Variants in TANGO2 observed in about 807,000 individuals in gnomAD.
TANGO2 encodes the protein transport and Golgi organization protein 2 homolog.
In TANGO2, 26 loss-of-function variants were observed where a neutral mutation model predicts 39.1. That is an observed-to-expected ratio of 0.67 (90% CI 0.49 to 0.92). TANGO2 has a LOEUF of 0.92. Ranked by LOEUF, TANGO2 falls within the 40% of genes least tolerant of loss-of-function variation. The pLI, the probability that TANGO2 is intolerant of heterozygous loss-of-function variation, is 0.00. For missense variants in TANGO2, 326 were observed against 360.1 expected (o/e 0.91, Z 0.77); for synonymous variants, 131 against 144.5 (o/e 0.91, Z 0.67).
chr22:20,022,029 C>T (rs909203833), intron 1 of TANGO2, among the ~76,000 whole-genome samples: 1 of 152,230 alleles, frequency 6.6e-6, no homozygotes, highest in Non-Finnish European at 1.5e-5. Context: ...TGTTTTGCTG[C>T]CACTCTGGGC....
chr22:20,039,034 C>G (rs559164792), intron 2 of TANGO2, among the ~76,000 whole-genome samples: 1 of 151,610 alleles, frequency 6.6e-6, no homozygotes, highest in African/African-American at 2.4e-5. Flanking sequence ...TCAAACTCGC[C>G]GGCTCAAGCG....
At position 20,046,527 on chromosome 22, in the gene TANGO2, C is replaced by T. The variant is rs562665965; in HGVS notation, c.145+3084C>T. 3.5e-5 allele frequency among the ~76,000 whole-genome samples: 5 copies of T among 144,640 alleles called. No homozygotes were observed. The East Asian group carries it at 8.1e-4, about 24-fold the overall frequency. 94.9% of individuals were successfully genotyped at this position (144,640 alleles called of 152,430 possible). ...TCGCTTAGGCTGGAGTGCAATGGTG[C>T]GACCTTGGCTCACTGCAACCTCCAC... is the stretch of plus-strand genomic sequence containing the variant. On this transcript the variant is annotated intron_variant, in intron 3 of 8. Coordinates refer to ENST00000327374, the MANE Select transcript of TANGO2 (RefSeq NM_152906.7).
rs1206311435 is a variant in TANGO2 at position 20,024,176 on chromosome 22, C to A, written c.-40+2930C>A. 2.6e-5 allele frequency among the ~76,000 whole-genome samples: 4 copies of A among 152,264 alleles called. No individual in the cohort carries two copies. In the South Asian group the frequency reaches 6.2e-4, roughly 24 times the overall value. On this transcript the variant is annotated intron_variant, in intron 1 of 8. Transcript: ENST00000327374. ...GCTGCCCCCAGCCCACCCAACAGGA[C>A]CATTGCACTCCAGCCTGGGCGACAA...
chr22:20,036,581 A>G (rs984067478), intron 1 of TANGO2, among the ~76,000 whole-genome samples, 179 bp from the exon 2 acceptor site: 2 of 152,116 alleles, frequency 1.3e-5, no homozygotes, highest in Non-Finnish European at 2.9e-5. Context: ...CAATGAGTGC[A>G]TGGGTTTGGG....
At chr22:20,056,818 C>T (rs2047451238) in intron 6 of TANGO2, 1 of 456,566 alleles carries the variant, frequency 2.2e-6, no homozygotes, top group South Asian at 1.5e-5. Context: ...GGCTCACTCA[C>T]TCCCACACTC....
At chr22:20,027,491 A>G (rs2040992933) in intron 1 of TANGO2, among the ~76,000 whole-genome samples, 1 of 152,206 alleles carries the variant, frequency 6.6e-6, no homozygotes, top group Non-Finnish European at 1.5e-5. Flanking sequence ...AATCAGGGAG[A>G]ACGGAGCAAT....
chr22:20,045,383 G>A (rs1277217009), intron 3 of TANGO2, among the ~76,000 whole-genome samples: 2 of 151,916 alleles, frequency 1.3e-5, no homozygotes, highest in East Asian at 3.9e-4. Flanking sequence ...AAGCTGCAGT[G>A]AACCGAGACT....
chr22:20,048,781 G>A (rs2045746222), intron 3 of TANGO2, among the ~76,000 whole-genome samples: 1 of 152,084 alleles, frequency 6.6e-6, no homozygotes, highest in African/African-American at 2.4e-5. Context: ...TGAGTAGCTG[G>A]GACTACAAGC....
rs575825450 is a variant in TANGO2, at chr22:20,046,800, C to G, written c.145+3357C>G. ...TCTCCTAACGCTATCCTTCCCCCAG[C>G]CCAATTTTTGTATTTTTAGTAGAGA... is the stretch of plus-strand genomic sequence containing the variant. On this transcript the variant is annotated intron_variant, in intron 3 of 8. Coordinates refer to ENST00000327374, the MANE Select transcript of TANGO2 (RefSeq NM_152906.7). Among the ~76,000 whole-genome samples, 6 of 152,208 alleles carry G rather than the reference C, an allele frequency of 3.9e-5. No homozygotes were observed. In the Middle Eastern group the frequency reaches 0.01, roughly 259 times the overall value.
At position 20,064,519 on chromosome 22, in the gene TANGO2, C is replaced by T. The variant is rs767516763; in HGVS notation, c.711-23C>T. On this transcript the variant is annotated intron_variant, in intron 8 of 8. Transcript: ENST00000327374. ...GCAGGGCTGAGGGACACCAGGTGAACGAGGGCCCCTGCTCTCTTTCAGAAC... is the reference window on the plus strand; with the variant it reads ...GCAGGGCTGAGGGACACCAGGTGAATGAGGGCCCCTGCTCTCTTTCAGAAC... The T allele has an allele frequency of 6.2e-6, 10 of 1,613,442 alleles. No individual in the cohort carries two copies. The Admixed American group carries it at 6.7e-5, about 11-fold the overall frequency.
chr22:20,024,807 G>A (rs888489076), intron 1 of TANGO2, among the ~76,000 whole-genome samples: 2 of 152,162 alleles, frequency 1.3e-5, no homozygotes, highest in Admixed American at 6.5e-5. Flanking sequence ...GCTTGCCAAA[G>A]GGAAGTGGTT....
intron 1 of TANGO2, among the ~76,000 whole-genome samples, chr22:20,031,013 C>G (rs1168052996): frequency 6.6e-6 from 1 of 151,964 alleles, no homozygotes; most frequent in Admixed American, 6.6e-5. Flanking sequence ...TCCTGGCCAA[C>G]ATGGTGAAAC....
At position 20,061,659 on chromosome 22, in the gene TANGO2, T is replaced by C; in HGVS notation, c.581T>C (p.Leu194Pro). 6.4e-7 allele frequency: 1 copy of C among 1,555,570 alleles called. No homozygotes were observed. Among genetic ancestry groups the C allele is most frequent in the Non-Finnish European group, 8.7e-7 (1 of 1,149,308 alleles). ...AAGGATGTGCTCATCGCCAGCCTCC[T>C]GGATGTGCTCAACAATGAAGAGGCG... ...LPKDVLIASL[L>P]DVLNNEEAQL... Residue 194 changes from leucine (L) to proline (P), a missense_variant, in exon 7 of 9, where the codon CTG becomes CCG. Transcript: ENST00000327374.
At chr22:20,025,813 C>T (rs1048277016) in intron 1 of TANGO2, among the ~76,000 whole-genome samples, 14 of 152,118 alleles carry the variant, frequency 9.2e-5, no homozygotes, top group African/African-American at 2.2e-4. Flanking sequence ...TGGGGCATGG[C>T]GTGATCTAGG....
intron 1 of TANGO2, chr22:20,033,259 G>T: frequency 1.9e-6 from 1 of 524,290 alleles, no homozygotes. Flanking sequence ...CCTTGGCTCT[G>T]CGCCCACACC....
At chr22:20,034,228 T>C (rs966086444) in intron 1 of TANGO2, among the ~76,000 whole-genome samples, 1 of 152,200 alleles carries the variant, frequency 6.6e-6, no homozygotes, top group African/African-American at 2.4e-5. Flanking sequence ...GAGTTCCTTT[T>C]GCTGCTTTGT....
chr22:20,033,139 A>C lies in TANGO2; in HGVS notation c.-39-3621A>C, dbSNP rs886477653. The C allele has an allele frequency of 8.1e-6, 4 of 495,454 alleles. No individual in the cohort carries two copies. In the Middle Eastern group the frequency reaches 1.0e-3, roughly 124 times the overall value. 30.7% of individuals were successfully genotyped at this position (495,454 alleles called of 1,614,324 possible). A position where few individuals can be genotyped will look rare whatever the true frequency, so the allele number is the denominator to read the frequency against. ...GGTGGGCAGTGGGCCTGGCTCGAGC[A>C]GGGGGCGAGGGATTGGAGAGAAAGG... On this transcript the variant is annotated intron_variant, in intron 1 of 8. Coordinates refer to ENST00000327374, the MANE Select transcript of TANGO2 (RefSeq NM_152906.7).
At chr22:20,041,409 T>C (rs1326401959) in intron 2 of TANGO2, among the ~76,000 whole-genome samples, 2 of 145,604 alleles carry the variant, frequency 1.4e-5, no homozygotes, top group African/African-American at 2.6e-5. Context: ...GCCTCCCGGG[T>C]TCACACCATT....
At chr22:20,026,385 G>A (rs1167364342) in intron 1 of TANGO2, among the ~76,000 whole-genome samples, 1 of 124,846 alleles carries the variant, frequency 8.0e-6, no homozygotes, top group African/African-American at 3.3e-5. Context: ...GCGACATAGC[G>A]AGACTTCGTC....
Sources: allele counts gnomAD v4.1 joint callset (sites outside exome capture counted in the v4.1 genomes callset), GRCh38; gene constraint gnomAD v4.1.1; transcripts MANE v1.5; gene names NCBI Gene and HGNC (gene_info 2026-07-23, HGNC 2026-07-21).